The following GNAO1 variants were observed in gnomAD, a reference collection of about 807,000 sequenced individuals.
GNAO1 encodes G protein subunit alpha o1.
For synonymous variants in GNAO1, 164 were observed against 180.7 expected (o/e 0.91, Z 0.74); for missense variants, 166 against 478.7 (o/e 0.35, Z 6.10).
chr16:56,228,439 A>C (rs1056523194), intron 2 of GNAO1, among the ~76,000 whole-genome samples: 1 of 151,072 alleles, frequency 6.6e-6, no homozygotes, highest in African/African-American at 2.4e-5. Context: ...GTGTGTGTGT[A>C]TATATATATA....
intron 3 of GNAO1, among the ~76,000 whole-genome samples, chr16:56,282,210 C>A (rs188220846): frequency 6.6e-6 from 1 of 152,138 alleles, no homozygotes; most frequent in Non-Finnish European, 1.5e-5. Context: ...AATTATGTAA[C>A]CTCTCTAAGC....
At chr16:56,323,865 G>T (rs376275981) in intron 3 of GNAO1, among the ~76,000 whole-genome samples, 16 of 152,158 alleles carry the variant, frequency 1.1e-4, no homozygotes, top group African/African-American at 3.9e-4. Context: ...CTTAGAAGTC[G>T]GGGAGGAGAT....
At chr16:56,210,222 C>G (rs374982530) in intron 2 of GNAO1, among the ~76,000 whole-genome samples, 1 of 152,328 alleles carries the variant, frequency 6.6e-6, no homozygotes, top group African/African-American at 2.4e-5. Flanking sequence ...AAGGCCCCTC[C>G]ATGTGTTTTC....
rs56037196 is a variant in GNAO1, at chr16:56,354,349, AAGTAATTGC to A, written c.878-504_878-496del. 0.29 allele frequency among the ~76,000 whole-genome samples: 43,984 copies of A among 151,768 alleles called. 7,441 individuals are homozygous for A. The highest frequency in any genetic ancestry group is 0.46 in the African/African-American group (19,003 of 41,298). On this transcript the variant is annotated intron_variant, in intron 7 of 8. Transcript: ENST00000262493. This position sits in a 1 kb window ranked among gnomAD's most constrained non-coding sequence, Gnocchi z 4.3. ...CTCAGCCTGTGTATGGTTGGTGCAA[AAGTAATTGC>A]AGTAATTGCAGTTTTGCTATCAAAA...
chr16:56,340,796 T>C lies in GNAO1; in HGVS notation c.723+3936T>C, dbSNP rs1309765813. On this transcript the variant is annotated intron_variant, in intron 6 of 8. Transcript: ENST00000262493. The stretch of plus-strand genomic sequence containing the variant: ...GGCCGCGGTGGGTCAGGGCCCTGGA[T>C]GCTGCCGCCCCTCACTCACCCCTCC... 2.5e-6 allele frequency: 4 copies of C among 1,600,022 alleles called. No homozygotes were observed. In the South Asian group the frequency reaches 4.5e-5, roughly 18 times the overall value.
chr16:56,327,346 C>T (rs1337064669), intron 3 of GNAO1, among the ~76,000 whole-genome samples: 1 of 152,040 alleles, frequency 6.6e-6, no homozygotes, highest in African/African-American at 2.4e-5. Context: ...GAGTCCTGTG[C>T]CATACTCAAC....
chr16:56,277,395 G>A (rs1363493828), intron 3 of GNAO1, among the ~76,000 whole-genome samples: 1 of 152,196 alleles, frequency 6.6e-6, no homozygotes, highest in African/African-American at 2.4e-5. Context: ...CTTATGATGT[G>A]CAAGGCTTTG....
chr16:56,307,047 C>T (rs1184371322), intron 3 of GNAO1: 2 of 152,268 alleles, frequency 1.3e-5, no homozygotes, highest in Non-Finnish European at 2.9e-5. Context: ...CCACCCCAGC[C>T]CATCTTGGGG....
chr16:56,249,858 C>T (rs1358174683), intron 2 of GNAO1, among the ~76,000 whole-genome samples: 4 of 152,184 alleles, frequency 2.6e-5, no homozygotes, highest in Non-Finnish European at 5.9e-5. Context: ...CTGGCCCTTA[C>T]GCTGGACAGA....
chr16:56,278,093 AGGGTCCCTTCTCTGGCTATTTC>A (rs1403338724), intron 3 of GNAO1, among the ~76,000 whole-genome samples: 4 of 152,214 alleles, frequency 2.6e-5, no homozygotes, highest in Non-Finnish European at 5.9e-5. Context: ...CCTGGGAAAC[AGGGTCCCTTCTCTGGCTATTTC>A]TCCTCCATGG....
intron 3 of GNAO1, among the ~76,000 whole-genome samples, chr16:56,321,297 G>A (rs2037569345): frequency 6.6e-6 from 1 of 152,210 alleles, no homozygotes; most frequent in African/African-American, 2.4e-5. Context: ...TAACTAGAAA[G>A]CCCAGAGGTC....
At chr16:56,201,326 T>G (rs1446073113) in intron 2 of GNAO1, among the ~76,000 whole-genome samples, 1 of 152,172 alleles carries the variant, frequency 6.6e-6, no homozygotes, top group East Asian at 1.9e-4. Context: ...TGTAAAGGCA[T>G]TAAGATGTCA....
chr16:56,287,442 T>C (rs1341713812), intron 3 of GNAO1, among the ~76,000 whole-genome samples: 1 of 152,184 alleles, frequency 6.6e-6, no homozygotes, highest in East Asian at 1.9e-4. Context: ...ATCTGAAAAC[T>C]GGAGATCATA....
chr16:56,328,205 T>C (rs1043345248), intron 3 of GNAO1, among the ~76,000 whole-genome samples: 1 of 152,306 alleles, frequency 6.6e-6, no homozygotes, highest in South Asian at 2.1e-4. Flanking sequence ...GCCAAGAACA[T>C]TGATTTTTTT....
At chr16:56,271,242 G>A (rs1484872875) in intron 2 of GNAO1, 4 of 152,210 alleles carry the variant, frequency 2.6e-5, no homozygotes, top group Non-Finnish European at 5.9e-5. Context: ...TGTCGAGTAA[G>A]TGGCCTAACC....
chr16:56,284,668 C>G lies in GNAO1; in HGVS notation c.303+8596C>G, dbSNP rs2037147774. Among the ~76,000 whole-genome samples the G allele has an allele frequency of 2.6e-5, 4 of 152,266 alleles. No individual in the cohort carries two copies. In the South Asian group the frequency reaches 8.3e-4, roughly 32 times the overall value. On this transcript the variant is annotated intron_variant, in intron 3 of 8. Transcript: ENST00000262493. ...ACACTCTACTTCATGGTTGTCTTAC[C>G]CTTGGGGCCAGACAGCAGGTCTGGA...
intron 6 of GNAO1, chr16:56,340,713 C>G: frequency 1.2e-6 from 1 of 832,640 alleles, no homozygotes; most frequent in Non-Finnish European, 2.0e-6. Context: ...GTCTCCGTCC[C>G]GGTGGTGCAT....
intron 3 of GNAO1, among the ~76,000 whole-genome samples, chr16:56,310,486 G>A (rs2037445652): frequency 6.6e-6 from 1 of 152,190 alleles, no homozygotes; most frequent in East Asian, 1.9e-4. Context: ...TGCTGCTGTG[G>A]AGCATGACTT....
intron 2 of GNAO1, among the ~76,000 whole-genome samples, chr16:56,258,646 G>T (rs2036875262): frequency 6.6e-6 from 1 of 152,242 alleles, no homozygotes; most frequent in Admixed American, 6.5e-5. Context: ...GCTTCCCTGT[G>T]GGGTGGTGTC....
Sources: gnomAD v4.1 joint callset for allele counts (sites outside exome capture counted in the v4.1 genomes callset) on GRCh38, gnomAD v4.1.1 for gene constraint, Gnocchi (gnomAD v3.1) non-coding constraint, MANE v1.5 for transcripts, NCBI Gene and HGNC (gene_info 2026-07-23, HGNC 2026-07-21) for gene names.